Variants in C4orf36 observed in about 807,000 individuals in gnomAD.
C4orf36 encodes the protein chromosome 4 open reading frame 36, also known as uncharacterized protein C4orf36.
A neutral mutation model predicts 12.2 loss-of-function variants in C4orf36; 11 were observed. That is an observed-to-expected ratio of 0.90 (90% CI 0.57 to 1.49). The LOEUF is 1.49. C4orf36 is among the 40% of genes most tolerant of loss of function. The pLI, the probability that C4orf36 is intolerant of heterozygous loss-of-function variation, is 0.00. For missense variants in C4orf36, 137 were observed against 133.9 expected, an observed-to-expected ratio of 1.02 and a Z score of -0.11; for synonymous variants, 54 against 51.3, an observed-to-expected ratio of 1.05 and a Z score of -0.22.
the C4orf36 span, chr4:86,934,549 T>G: frequency 6.6e-6 from 1 of 152,136 alleles, no homozygotes; most frequent in South Asian, 2.1e-4. Flanking sequence ...TATAAGATTG[T>G]TGTGAAGATG....
chr4:86,901,011 A>G, the C4orf36 span, among the ~76,000 whole-genome samples: 3 of 149,588 alleles, frequency 2.0e-5, no homozygotes, highest in Middle Eastern at 3.2e-3. Context: ...TTGACATGGA[A>G]TCTTGCCCTG....
chr4:86,880,331 G>A (rs1747021895), intron 4 of C4orf36, among the ~76,000 whole-genome samples: 1 of 152,158 alleles, frequency 6.6e-6, no homozygotes, highest in African/African-American at 2.4e-5. Context: ...AATTAGCCAG[G>A]CGTGGTGGTG....
intron 2 of C4orf36, 151 bp downstream of exon 2, chr4:86,891,305 A>AT (rs1298199415): frequency 4.7e-6 from 3 of 643,778 alleles, no homozygotes; most frequent in Admixed American, 6.7e-5. Flanking sequence ...AAAAAAAAAA[A>AT]AAAAAAAATC....
At chr4:86,896,671 C>G (rs1040535678), upstream of C4orf36, among the ~76,000 whole-genome samples, 1 of 152,168 alleles carries the variant, frequency 6.6e-6, no homozygotes, top group Non-Finnish European at 1.5e-5. Context: ...CTCAGTGGCT[C>G]TGTTCTCACT....
At chr4:86,904,524 G>A in the C4orf36 span, among the ~76,000 whole-genome samples, 3 of 145,878 alleles carry the variant, frequency 2.1e-5, no homozygotes, top group African/African-American at 7.6e-5. Context: ...GGAGGTTGCA[G>A]TGAGCCAAGA....
At chr4:86,922,446 C>T in the C4orf36 span, among the ~76,000 whole-genome samples, 18 of 152,310 alleles carry the variant, frequency 1.2e-4, no homozygotes, top group Admixed American at 1.1e-3. Flanking sequence ...TTTATTGCTC[C>T]TTAGTCCAAA....
intron 1 of C4orf36, 145 bp downstream of exon 1, chr4:86,892,038 C>T: frequency 1.0e-6 from 1 of 986,280 alleles, no homozygotes; most frequent in Non-Finnish European, 1.2e-6. Flanking sequence ...CGCCCTTGCA[C>T]GCCGATTCGG....
chr4:86,903,380 G>C, the C4orf36 span, among the ~76,000 whole-genome samples: 2 of 152,156 alleles, frequency 1.3e-5, no homozygotes, highest in African/African-American at 4.8e-5. Context: ...GTGTGGTGGT[G>C]CACACCTGTA....
At chr4:86,908,640 C>T in the C4orf36 span, among the ~76,000 whole-genome samples, 1 of 149,086 alleles carries the variant, frequency 6.7e-6, no homozygotes, top group South Asian at 2.2e-4. Context: ...CCCTCCTCAA[C>T]CTTACTCTCT....
the C4orf36 span, among the ~76,000 whole-genome samples, chr4:86,910,721 G>A: frequency 6.6e-6 from 1 of 152,146 alleles, no homozygotes; most frequent in Non-Finnish European, 1.5e-5. Context: ...ATGGCAAGAC[G>A]GAGAATGGTT....
upstream of C4orf36, among the ~76,000 whole-genome samples, chr4:86,892,748 C>T (rs537896855): frequency 6.6e-6 from 1 of 152,264 alleles, no homozygotes; most frequent in Non-Finnish European, 1.5e-5. Flanking sequence ...CGTTCTCACA[C>T]TGCAGTGGGT....
At chr4:86,911,981 C>T in the C4orf36 span, among the ~76,000 whole-genome samples, 1 of 152,248 alleles carries the variant, frequency 6.6e-6, no homozygotes, top group African/African-American at 2.4e-5. Flanking sequence ...CTGCCTCAGC[C>T]TCCCAAGTAG....
chr4:86,909,249 A>C, the C4orf36 span, among the ~76,000 whole-genome samples: 1 of 152,208 alleles, frequency 6.6e-6, no homozygotes, highest in Non-Finnish European at 1.5e-5. Flanking sequence ...TCAAGAAGTG[A>C]TGAAAGAGAA....
At chr4:86,876,707 T>C in intron 4 of C4orf36, 1 of 1,589,192 alleles carries the variant, frequency 6.3e-7, no homozygotes, top group Non-Finnish European at 8.6e-7. Flanking sequence ...TGGGTGATCT[T>C]TACTATTCAG....
At chr4:86,888,763 T>G (rs1482285617) in intron 2 of C4orf36, among the ~76,000 whole-genome samples, 1 of 152,228 alleles carries the variant, frequency 6.6e-6, no homozygotes, top group African/African-American at 2.4e-5. Context: ...CTCTTTCACC[T>G]AATTCTGAAA....
the C4orf36 span, among the ~76,000 whole-genome samples, chr4:86,918,883 G>A: frequency 6.6e-6 from 1 of 151,940 alleles, no homozygotes; most frequent in East Asian, 1.9e-4. Flanking sequence ...ACATGATTAT[G>A]GAGACTGAGA....
At chr4:86,888,545 G>T (rs1433018718) in intron 2 of C4orf36, among the ~76,000 whole-genome samples, 4 of 152,146 alleles carry the variant, frequency 2.6e-5, no homozygotes, top group Non-Finnish European at 5.9e-5. Context: ...TTCTTTCCAT[G>T]TAAGAGGATG....
At chr4:86,905,379 GAAAT>G in the C4orf36 span, among the ~76,000 whole-genome samples, 6 of 150,900 alleles carry the variant, frequency 4.0e-5, no homozygotes, top group Admixed American at 1.3e-4. Flanking sequence ...ACTCCATCTC[GAAAT>G]AAATAAATAA....
upstream of C4orf36, among the ~76,000 whole-genome samples, chr4:86,895,155 TA>T (rs1420651734): frequency 6.6e-6 from 1 of 151,532 alleles, no homozygotes; most frequent in Non-Finnish European, 1.5e-5. Context: ...TTACAGAAAG[TA>T]GAAAAAAAAC....
Sources: allele counts gnomAD v4.1 joint callset (sites outside exome capture counted in the v4.1 genomes callset), GRCh38; gene constraint gnomAD v4.1.1; transcripts MANE v1.5; gene names NCBI Gene and HGNC (gene_info 2026-07-23, HGNC 2026-07-21).